AKT3: variants seen among roughly 807,000 people sequenced by gnomAD.
The protein encoded by AKT3 is AKT serine/threonine kinase 3.
A neutral mutation model predicts 65.3 loss-of-function variants in AKT3; 15 were observed. The ratio of observed to expected loss-of-function variants is 0.23; its 90% CI spans 0.15 to 0.35. The LOEUF (loss-of-function observed/expected upper bound fraction) is 0.35. Among genes scored for constraint, AKT3 ranks in the 10% least tolerant of loss-of-function variants. The pLI, the probability that AKT3 is intolerant of heterozygous loss-of-function variation, is 1.00. For missense variants in AKT3, 243 were observed against 576.5 expected, an observed-to-expected ratio of 0.42 and a Z score of 5.92; for synonymous variants, 206 against 183.8, an observed-to-expected ratio of 1.12 and a Z score of -0.98.
At position 243,505,294 on chromosome 1, in the gene AKT3, C is replaced by A; in HGVS notation, c.1395G>T (p.Arg465=). The A allele has an allele frequency of 6.2e-7, 1 of 1,614,162 alleles. No homozygotes were observed. The highest frequency in any genetic ancestry group is 8.5e-7 in the Non-Finnish European group (1 of 1,180,036). Residue 465 remains arginine (R), a synonymous_variant, in exon 14 of 14, where the codon CGG becomes CGT. Coordinates refer to ENST00000673466, the MANE Select transcript of AKT3 (RefSeq NM_005465.7). The part of the protein sequence containing the change: ...DGMDCMDNER[R]PHFPQFSYSA... ...AGTAGGAAAATTGAGGGAAATGCGG[C>A]CGCCTCTCATTGTCCATGCAGTCCA...
intron 2 of AKT3, among the ~76,000 whole-genome samples, chr1:243,837,181 G>A (rs1194954641): frequency 6.6e-6 from 1 of 151,852 alleles, no homozygotes; most frequent in African/African-American, 2.4e-5. Flanking sequence ...ATAAGGATAA[G>A]GGAATATTAA....
chr1:243,812,452 G>A (rs1358095625), intron 2 of AKT3, among the ~76,000 whole-genome samples: 2 of 152,170 alleles, frequency 1.3e-5, no homozygotes, highest in Non-Finnish European at 2.9e-5. Context: ...TCAGAGAAAT[G>A]CAAATCAAAA....
chr1:243,524,420 G>A (rs999340132), intron 12 of AKT3, among the ~76,000 whole-genome samples: 21 of 152,196 alleles, frequency 1.4e-4, no homozygotes, highest in African/African-American at 5.1e-4. Flanking sequence ...AAGCTCCCTA[G>A]TGAAGTCTAA....
chr1:243,526,423 A>T lies in AKT3; in HGVS notation c.1252-13997T>A, dbSNP rs191823594. Among the ~76,000 whole-genome samples, 120 of 152,266 alleles carry T rather than the reference A, an allele frequency of 7.9e-4. 1 individual carries two copies. The highest frequency in any genetic ancestry group is 2.0e-3 in the Admixed American group (30 of 15,298). ...GATGCAGGCCTGACCACTGCCACGT[A>T]CCAATAAGATGGTCTAGCAGACAAC... On this transcript the variant is annotated intron_variant, in intron 12 of 13. Transcript: ENST00000673466.
At chr1:243,748,359 A>C (rs1290846936) in intron 2 of AKT3, among the ~76,000 whole-genome samples, 1 of 152,174 alleles carries the variant, frequency 6.6e-6, no homozygotes, top group Non-Finnish European at 1.5e-5. Context: ...GACTTAAAAA[A>C]AAAAACAAGA....
intron 4 of AKT3, among the ~76,000 whole-genome samples, chr1:243,663,897 A>C (rs1682574124): frequency 1.3e-5 from 2 of 152,164 alleles, no homozygotes; most frequent in African/African-American, 4.8e-5. Flanking sequence ...AAACTGATAG[A>C]TCAGGAGGAT....
At position 243,592,996 on chromosome 1, in the gene AKT3, C is replaced by T. The variant is rs1236341614; in HGVS notation, c.697-19948G>A. On this transcript the variant is annotated intron_variant, in intron 8 of 13. Coordinates refer to ENST00000673466, the MANE Select transcript of AKT3 (RefSeq NM_005465.7). ...TGTATGTGAAATGGTATAATCTAAG[C>T]GGAACACAAAATGGGAAAAAAAGTT... 7.2e-5 allele frequency among the ~76,000 whole-genome samples: 11 copies of T among 152,126 alleles called. No homozygotes were observed. In the South Asian group the frequency reaches 1.9e-3, roughly 26 times the overall value.
intron 12 of AKT3, among the ~76,000 whole-genome samples, chr1:243,537,973 A>G (rs1672048615): frequency 6.6e-6 from 1 of 152,130 alleles, no homozygotes; most frequent in African/African-American, 2.4e-5. Flanking sequence ...GTGGAAGTGG[A>G]GTTAAAGGAG....
intron 8 of AKT3, among the ~76,000 whole-genome samples, chr1:243,583,195 T>TATATATATATACACACACAC (rs759291565): frequency 5.7e-5 from 5 of 88,320 alleles, no homozygotes; most frequent in African/African-American, 2.6e-4. Context: ...TATATATATA[T>TATATATATATACACACACAC]ACACACACAC....
intron 2 of AKT3, among the ~76,000 whole-genome samples, chr1:243,706,585 C>CT (rs1322951215): frequency 6.6e-6 from 1 of 152,140 alleles, no homozygotes; most frequent in African/African-American, 2.4e-5. Context: ...TGCATCAAAC[C>CT]GAGAGCTCCA....
chr1:243,623,265 T>C (rs1399999175), intron 6 of AKT3, among the ~76,000 whole-genome samples: 1 of 152,146 alleles, frequency 6.6e-6, no homozygotes, highest in Non-Finnish European at 1.5e-5. Context: ...TGACTTCCAA[T>C]AAAAACCCTG....
chr1:243,588,885 T>C lies in AKT3; in HGVS notation c.697-15837A>G, dbSNP rs115083696. Among the ~76,000 whole-genome samples, 868 of 152,204 alleles carry C rather than the reference T, an allele frequency of 5.7e-3. 12 individuals are homozygous for C. Among genetic ancestry groups the C allele is most frequent in the African/African-American group, 0.02 (824 of 41,508 alleles). ...CACAAGCAACAAAGGCAGAGATAAA[T>C]AGGTGGGACTACTATTTATCTCTTT... On this transcript the variant is annotated intron_variant, in intron 8 of 13. Transcript: ENST00000673466.
intron 8 of AKT3, among the ~76,000 whole-genome samples, chr1:243,606,721 T>C (rs1226586567): frequency 6.6e-6 from 1 of 152,218 alleles, no homozygotes; most frequent in East Asian, 1.9e-4. Context: ...AGAAAATGTC[T>C]TCAGGGCATT....
chr1:243,646,476 T>C lies in AKT3; in HGVS notation c.285-439A>G, dbSNP rs545156808. Among the ~76,000 whole-genome samples, 16 of 152,158 alleles carry C rather than the reference T, an allele frequency of 1.1e-4. No homozygotes were observed. In the South Asian group the frequency reaches 3.3e-3, roughly 32 times the overall value. On this transcript the variant is annotated intron_variant, in intron 4 of 13. Transcript: ENST00000673466. The stretch of plus-strand genomic sequence containing the variant: ...TTCAAGTGATTCTCCTGTCTCAGCC[T>C]CCTGAGTAGCCGGGATTACAGGCGT...
chr1:243,508,121 A>C (rs1669784855), intron 13 of AKT3, among the ~76,000 whole-genome samples: 1 of 152,238 alleles, frequency 6.6e-6, no homozygotes, highest in African/African-American at 2.4e-5. Context: ...GTTTCTTACC[A>C]GTTAAACTAT....
chr1:243,620,907 G>A (rs1454149920), intron 6 of AKT3, among the ~76,000 whole-genome samples: 1 of 151,832 alleles, frequency 6.6e-6, no homozygotes, highest in South Asian at 2.1e-4. Context: ...TCTCATACGC[G>A]GTATTGGGAC....
intron 11 of AKT3, among the ~76,000 whole-genome samples, chr1:243,551,964 A>C (rs1673097049): frequency 6.6e-6 from 1 of 152,180 alleles, no homozygotes; most frequent in South Asian, 2.1e-4. Context: ...TCTTTCAGCT[A>C]TGCATAGAAA....
chr1:243,584,659 C>T (rs1308438232), intron 8 of AKT3, among the ~76,000 whole-genome samples: 1 of 152,036 alleles, frequency 6.6e-6, no homozygotes, highest in Non-Finnish European at 1.5e-5. Flanking sequence ...AAATGTGATT[C>T]ACCACATAAA....
chr1:243,523,094 TTC>T (rs1166662551), intron 12 of AKT3, among the ~76,000 whole-genome samples: 2 of 152,076 alleles, frequency 1.3e-5, no homozygotes, highest in Non-Finnish European at 2.9e-5. Flanking sequence ...AGGCAGCAAT[TTC>T]TATGTTCTGC....
Sources: allele counts gnomAD v4.1 joint callset (sites outside exome capture counted in the v4.1 genomes callset), GRCh38; gene constraint gnomAD v4.1.1; transcripts MANE v1.5; gene names NCBI Gene and HGNC (gene_info 2026-07-23, HGNC 2026-07-21).